TRIO: variants seen among roughly 807,000 people sequenced by gnomAD.
TRIO encodes trio Rho guanine nucleotide exchange factor.
A neutral mutation model predicts 351.9 loss-of-function variants in TRIO; 58 were observed. The ratio of observed to expected loss-of-function variants is 0.16; its 90% CI spans 0.13 to 0.21. TRIO has a LOEUF of 0.21. Among genes scored for constraint, TRIO ranks in the 10% least tolerant of loss-of-function variants. The pLI is 1.00. For synonymous variants in TRIO, 1,758 were observed against 1,595.7 expected (o/e 1.10, Z -2.42); for missense variants, 3,201 against 4,027.8 (o/e 0.79, Z 5.56).
rs1432948266 is a variant in TRIO at position 14,497,559 on chromosome 5, G to A, written c.8020-288G>A. Among the ~76,000 whole-genome samples, 2 of 152,152 alleles carry A rather than the reference G, an allele frequency of 1.3e-5. No individual in the cohort carries two copies. Among genetic ancestry groups the A allele is most frequent in the African/African-American group, 4.8e-5 (2 of 41,424 alleles). The stretch of plus-strand genomic sequence containing the variant: ...GAGCGCCAGGGGCCAGGGCGTTGGC[G>A]GCTCTGCATTAGGAACGCATCTGAG... On this transcript the variant is annotated intron_variant, in intron 50 of 56. Coordinates refer to ENST00000344204, the MANE Select transcript of TRIO (RefSeq NM_007118.4). This position sits in a 1 kb window ranked among gnomAD's most constrained non-coding sequence, Gnocchi z 4.4.
At chr5:14,423,706 C>T (rs961704600) in intron 34 of TRIO, among the ~76,000 whole-genome samples, 1 of 152,098 alleles carries the variant, frequency 6.6e-6, no homozygotes, top group Non-Finnish European at 1.5e-5. Flanking sequence ...CACTCTCTGC[C>T]GGATGCATTT....
intron 31 of TRIO, among the ~76,000 whole-genome samples, chr5:14,403,146 GGT>G (rs1748258480): frequency 1.3e-5 from 1 of 76,740 alleles, no homozygotes; most frequent in Non-Finnish European, 2.9e-5. Context: ...TGCAGGTTGT[GGT>G]GGTGAGGGTT....
intron 42 of TRIO, 26 bp from the exon 43 acceptor site, chr5:14,479,893 A>G (rs767361537): frequency 5.3e-5 from 86 of 1,611,374 alleles, no homozygotes; most frequent in Non-Finnish European, 7.1e-5. Flanking sequence ...AGCCCATACG[A>G]TCTTTTCTCT....
chr5:14,400,928 C>T, intron 30 of TRIO, 35 bp from the exon 31 acceptor site: 2 of 1,595,772 alleles, frequency 1.3e-6, no homozygotes, highest in Non-Finnish European at 8.6e-7. Flanking sequence ...TAGAATTTTA[C>T]TGTCACCTAA....
chr5:14,321,807 G>A (rs768562941), intron 9 of TRIO, among the ~76,000 whole-genome samples: 55 of 152,162 alleles, frequency 3.6e-4, no homozygotes, highest in Admixed American at 3.1e-3. Flanking sequence ...GGTCTTCCCT[G>A]TACTGTTCTC....
At chr5:14,358,405 C>A (rs536546896) in intron 12 of TRIO, 58 bp downstream of exon 12, 3 of 1,589,942 alleles carry the variant, frequency 1.9e-6, no homozygotes, top group Non-Finnish European at 2.6e-6. Context: ...TGTGACTCCC[C>A]TTCCCCTTTT....
chr5:14,419,930 C>T lies in TRIO; in HGVS notation c.5112C>T (p.Ser1704=). 2.5e-6 allele frequency: 4 copies of T among 1,614,196 alleles called. No individual in the cohort carries two copies. The highest frequency in any genetic ancestry group is 2.5e-6 in the Non-Finnish European group (3 of 1,180,010). Residue 1704 remains serine, a synonymous_variant, in exon 34 of 57, where the codon TCC becomes TCT. Transcript: ENST00000344204. ...DWCLVRTTDR[S]PAAEGLVPCG... ...GTCTGGTGCGGACAACTGACCGCTC[C>T]CCAGCGGCAGAAGGCCTGGTCCCCT...
rs1739405858 is a variant in TRIO, at chr5:14,316,656, G to T, written c.1644G>T (p.Gln548His). 1.2e-6 allele frequency: 2 copies of T among 1,614,222 alleles called. No individual in the cohort carries two copies. The highest frequency in any genetic ancestry group is 3.3e-4 in the Middle Eastern group (2 of 6,062). Residue 548 changes from glutamine to histidine, a missense_variant, in exon 9 of 57, where the codon CAG becomes CAT. Around this residue, in one of 19 missense-constraint regions of TRIO, gnomAD observed 349 missense variants for 449.3 expected, o/e 0.78. Coordinates refer to ENST00000344204, the MANE Select transcript of TRIO (RefSeq NM_007118.4). ...LDVIHEVLHH[Q>H]RQLENIWQHR... ...TCATCCACGAGGTGCTGCACCACCA[G>T]CGGCAGCTGGAGAACATCTGGCAAC...
intron 1 of TRIO, among the ~76,000 whole-genome samples, chr5:14,252,465 C>T (rs1395506965): frequency 6.6e-6 from 1 of 152,194 alleles, no homozygotes; most frequent in Non-Finnish European, 1.5e-5. Flanking sequence ...GCAGGAATGC[C>T]CCAGCAGGTT....
chr5:14,383,109 G>A (rs563394921), intron 21 of TRIO, among the ~76,000 whole-genome samples: 2 of 152,278 alleles, frequency 1.3e-5, no homozygotes, highest in African/African-American at 4.8e-5. Context: ...ATCGCTTGAG[G>A]CCAGGAGTTT....
chr5:14,472,816 G>A (rs1754785030), intron 39 of TRIO, among the ~76,000 whole-genome samples, 158 bp downstream of exon 39: 1 of 152,132 alleles, frequency 6.6e-6, no homozygotes, highest in Non-Finnish European at 1.5e-5. Flanking sequence ...ATTAAGTTTA[G>A]CCAATTGTCT....
intron 8 of TRIO, among the ~76,000 whole-genome samples, chr5:14,312,027 A>G (rs1459493586): frequency 6.6e-6 from 1 of 152,198 alleles, no homozygotes; most frequent in African/African-American, 2.4e-5. Flanking sequence ...GTGGTAAGCA[A>G]GAATGTCTAG....
At chr5:14,176,362 C>T (rs1789402892) in intron 1 of TRIO, among the ~76,000 whole-genome samples, 1 of 152,062 alleles carries the variant, frequency 6.6e-6, no homozygotes, top group African/African-American at 2.4e-5. Flanking sequence ...CCCAGCTACT[C>T]AGGAGGCCGA....
intron 1 of TRIO, among the ~76,000 whole-genome samples, chr5:14,229,469 A>C (rs1477634900): frequency 1.3e-5 from 2 of 152,264 alleles, no homozygotes; most frequent in Non-Finnish European, 2.9e-5. Flanking sequence ...CTGTACTACT[A>C]GTCAGTGAAA....
chr5:14,254,133 AT>A (rs1794895742), intron 1 of TRIO, among the ~76,000 whole-genome samples: 1 of 152,196 alleles, frequency 6.6e-6, no homozygotes, highest in African/African-American at 2.4e-5. Flanking sequence ...AAAGTAAGTA[AT>A]AAATAGAACC....
chr5:14,338,467 C>T (rs886537883), intron 11 of TRIO, among the ~76,000 whole-genome samples: 9 of 152,226 alleles, frequency 5.9e-5, no homozygotes, highest in African/African-American at 2.2e-4. Context: ...CTAGAGCTCC[C>T]TCTACATGCA....
intron 1 of TRIO, among the ~76,000 whole-genome samples, chr5:14,179,463 T>C (rs79321460): frequency 6.0e-5 from 9 of 151,244 alleles, no homozygotes; most frequent in Non-Finnish European, 1.2e-4. Context: ...TTTTTTTTTT[T>C]CTTAAAATCT....
chr5:14,329,431 G>T (rs1740702490), intron 9 of TRIO, among the ~76,000 whole-genome samples: 1 of 152,186 alleles, frequency 6.6e-6, no homozygotes, highest in Non-Finnish European at 1.5e-5. Flanking sequence ...GAGCTTGTTT[G>T]CCCCTTCCTC....
chr5:14,232,096 A>G (rs1793470920), intron 1 of TRIO, among the ~76,000 whole-genome samples: 1 of 152,046 alleles, frequency 6.6e-6, no homozygotes, highest in Non-Finnish European at 1.5e-5. Context: ...GGTAGGTCTC[A>G]TTATCTTCAT....
Sources: allele counts gnomAD v4.1 joint callset (sites outside exome capture counted in the v4.1 genomes callset), GRCh38; gene constraint gnomAD v4.1.1; regional missense constraint gnomAD v4.1.1; non-coding constraint Gnocchi (gnomAD v3.1); transcripts MANE v1.5; gene names NCBI Gene and HGNC (gene_info 2026-07-23, HGNC 2026-07-21).